Variants in PID1 observed in about 807,000 individuals in gnomAD.
PID1 encodes phosphotyrosine interaction domain containing 1.
A neutral mutation model predicts 19.1 loss-of-function variants in PID1; 10 were observed. The ratio of observed to expected loss-of-function variants is 0.52; its 90% confidence interval spans 0.32 to 0.89. The LOEUF is 0.89. Among genes scored for constraint, PID1 ranks in the 40% least tolerant of loss-of-function variants. The pLI is 0.03. For synonymous variants in PID1, 130 were observed against 116.0 expected, an observed-to-expected ratio of 1.12 and a Z score of -0.78; for missense variants, 248 against 285.3, an observed-to-expected ratio of 0.87 and a Z score of 0.94.
intron 1 of PID1, among the ~76,000 whole-genome samples, chr2:229,237,558 T>C (rs1689742125): frequency 1.3e-5 from 2 of 152,174 alleles, no homozygotes; most frequent in Non-Finnish European, 2.9e-5. Flanking sequence ...GCAAAGCTGT[T>C]CACTTGCTTC....
rs574787591 is a variant in PID1, at chr2:229,027,571, G to C, written c.178-1463C>G. On this transcript the variant is annotated intron_variant, in intron 2 of 2. Coordinates refer to ENST00000392055, the MANE Select transcript of PID1 (RefSeq NM_001100818.2). ...AGGAAGGGGAACAGCAAAGTACTGT[G>C]AGTGTTCAGTGGAGGAGGCAGTGGC... Among the ~76,000 whole-genome samples, 4 of 152,332 alleles carry C rather than the reference G, an allele frequency of 2.6e-5. No individual in the cohort carries two copies. The South Asian group carries it at 8.3e-4, about 32-fold the overall frequency.
intron 1 of PID1, among the ~76,000 whole-genome samples, chr2:229,243,309 G>C (rs1689921774): frequency 6.6e-6 from 1 of 152,078 alleles, no homozygotes; most frequent in South Asian, 2.1e-4. Flanking sequence ...GGAATTGTGG[G>C]AGTTACAATT....
chr2:229,132,334 C>T (rs1689759909), intron 2 of PID1, among the ~76,000 whole-genome samples: 1 of 152,144 alleles, frequency 6.6e-6, no homozygotes, highest in African/African-American at 2.4e-5. Flanking sequence ...ACAGGATGGG[C>T]TATCACGATC....
intron 2 of PID1, among the ~76,000 whole-genome samples, chr2:229,139,839 A>C (rs1272331431): frequency 6.6e-6 from 1 of 152,190 alleles, no homozygotes; most frequent in African/African-American, 2.4e-5. Flanking sequence ...AGAATGAAGA[A>C]AGATAAATAC....
rs187807418 is a variant in PID1, at chr2:229,251,129, C to T, written c.30+19885G>A. 7.2e-5 allele frequency among the ~76,000 whole-genome samples: 11 copies of T among 152,230 alleles called. No homozygotes were observed. The East Asian group carries it at 1.9e-3, about 27-fold the overall frequency. On this transcript the variant is annotated intron_variant, in intron 1 of 2. Coordinates refer to ENST00000392055, the MANE Select transcript of PID1 (RefSeq NM_001100818.2). ...TTTTTACATCCAAAATGTTGCCGAC[C>T]CACACATAGTACTTTGATGCTCAAG... is the stretch of plus-strand genomic sequence containing the variant.
chr2:229,046,947 T>G (rs373373684), intron 2 of PID1, among the ~76,000 whole-genome samples: 2 of 152,188 alleles, frequency 1.3e-5, no homozygotes, highest in African/African-American at 2.4e-5. Flanking sequence ...TCTCAGTTTA[T>G]GTACATGCAA....
intron 2 of PID1, among the ~76,000 whole-genome samples, chr2:229,117,778 T>C (rs1327607984): frequency 6.6e-6 from 1 of 152,032 alleles, no homozygotes; most frequent in Non-Finnish European, 1.5e-5. Context: ...CCTAGACCCT[T>C]CCTGCTTGTC....
At position 229,144,648 on chromosome 2, in the gene PID1, A is replaced by G. The variant is rs187324136; in HGVS notation, c.177+11170T>C. On this transcript the variant is annotated intron_variant, in intron 2 of 2. Transcript: ENST00000392055. ...GTGAGTATAGTCATTATTGGCCTAA[A>G]TCTACATCTACCAAAACAGAAAGCT... Among the ~76,000 whole-genome samples the G allele has an allele frequency of 1.4e-4, 21 of 152,256 alleles. No homozygotes were observed. The East Asian group carries it at 2.9e-3, about 21-fold the overall frequency.
chr2:229,071,430 G>A (rs946218803), intron 2 of PID1, among the ~76,000 whole-genome samples: 3 of 152,112 alleles, frequency 2.0e-5, no homozygotes, highest in Non-Finnish European at 4.4e-5. Context: ...CATGCTAAGC[G>A]CCAAGCACTC....
intron 2 of PID1, among the ~76,000 whole-genome samples, chr2:229,080,942 C>T (rs2045925192): frequency 6.6e-6 from 1 of 152,216 alleles, no homozygotes; most frequent in Non-Finnish European, 1.5e-5. Flanking sequence ...GACATCTTCC[C>T]AGTACCTTCC....
At chr2:229,033,521 G>A (rs1693598639) in intron 2 of PID1, among the ~76,000 whole-genome samples, 1 of 151,972 alleles carries the variant, frequency 6.6e-6, no homozygotes, top group Admixed American at 6.6e-5. Flanking sequence ...CACACACCAA[G>A]GCCTGTTGGA....
chr2:229,074,327 A>G (rs954018478), intron 2 of PID1, among the ~76,000 whole-genome samples: 1 of 152,176 alleles, frequency 6.6e-6, no homozygotes, highest in Admixed American at 6.6e-5. Flanking sequence ...TACTTAAAAA[A>G]AAAGATAATA....
intron 2 of PID1, among the ~76,000 whole-genome samples, chr2:229,080,224 T>A (rs1037540566): frequency 6.6e-6 from 1 of 152,238 alleles, no homozygotes; most frequent in African/African-American, 2.4e-5. Context: ...TTAAAACTCA[T>A]GGCTGCTCAC....
chr2:229,120,776 T>C (rs1242959987), intron 2 of PID1, among the ~76,000 whole-genome samples: 1 of 152,024 alleles, frequency 6.6e-6, no homozygotes, highest in Non-Finnish European at 1.5e-5. Context: ...GTTTGAGTCA[T>C]GGGGGTAGAT....
At chr2:229,066,112 A>G (rs560954978) in intron 2 of PID1, among the ~76,000 whole-genome samples, 1 of 152,332 alleles carries the variant, frequency 6.6e-6, no homozygotes, top group Non-Finnish European at 1.5e-5. Flanking sequence ...AAGAAAAACA[A>G]AAAAACAACC....
chr2:229,202,235 C>G (rs1691513384), intron 1 of PID1, among the ~76,000 whole-genome samples: 1 of 151,964 alleles, frequency 6.6e-6, no homozygotes, highest in African/African-American at 2.4e-5. Context: ...ATATGAGGTT[C>G]TTATCGCTAC....
At chr2:229,183,321 C>G (rs1050642548) in intron 1 of PID1, among the ~76,000 whole-genome samples, 4 of 152,202 alleles carry the variant, frequency 2.6e-5, no homozygotes, top group African/African-American at 9.6e-5. Flanking sequence ...GGACTTCCAG[C>G]CTCCCAAACT....
intron 2 of PID1, among the ~76,000 whole-genome samples, chr2:229,112,106 C>G (rs983894196): frequency 6.6e-6 from 1 of 152,200 alleles, no homozygotes; most frequent in Non-Finnish European, 1.5e-5. Context: ...TGTCCACTGG[C>G]CTTGTTAAGA....
intron 1 of PID1, among the ~76,000 whole-genome samples, chr2:229,172,516 T>C (rs1327796213): frequency 1.3e-5 from 2 of 152,128 alleles, no homozygotes; most frequent in Non-Finnish European, 2.9e-5. Flanking sequence ...CTTGCTGTCT[T>C]AGGCCTGCAT....
Sources: allele counts gnomAD v4.1 joint callset (sites outside exome capture counted in the v4.1 genomes callset), GRCh38; gene constraint gnomAD v4.1.1; transcripts MANE v1.5; gene names NCBI Gene and HGNC (gene_info 2026-07-23, HGNC 2026-07-21).